MTAP: variants seen among roughly 807,000 people sequenced by gnomAD.
The protein encoded by MTAP is S-methyl-5'-thioadenosine phosphorylase.
Under a neutral mutation model 33.6 loss-of-function variants are expected in MTAP, and 33 were observed. That is an observed-to-expected ratio of 0.98 (90% CI 0.74 to 1.31). The LOEUF is 1.31. Among genes scored for constraint, MTAP ranks in the 40% most tolerant of loss-of-function variants. The pLI, the probability that MTAP is intolerant of heterozygous loss-of-function variation, is 0.00. For missense variants in MTAP, 367 were observed against 360.0 expected (o/e 1.02, Z -0.16); for synonymous variants, 148 against 125.7 (o/e 1.18, Z -1.19).
chr9:21,857,018 A>C (rs1587252707), intron 6 of MTAP, among the ~76,000 whole-genome samples: 1 of 152,184 alleles, frequency 6.6e-6, no homozygotes, highest in African/African-American at 2.4e-5. Flanking sequence ...AGCTAGTATA[A>C]TGCTGGCTTG....
At chr9:21,893,213 G>A (rs531146709) in intron 1 of MTAP, 3 of 152,202 alleles carry the variant, frequency 2.0e-5, no homozygotes, top group Non-Finnish European at 2.9e-5. Context: ...TGACACATGG[G>A]GATCATGGGG....
At chr9:21,883,579 C>G (rs949702453) in intron 1 of MTAP, among the ~76,000 whole-genome samples, 8 of 151,782 alleles carry the variant, frequency 5.3e-5, no homozygotes, top group Non-Finnish European at 1.2e-4. Flanking sequence ...AGACTTAATA[C>G]CTATGATTAA....
At chr9:21,852,937 C>G (rs1825552768) in intron 5 of MTAP, among the ~76,000 whole-genome samples, 1 of 152,154 alleles carries the variant, frequency 6.6e-6, no homozygotes, top group Non-Finnish European at 1.5e-5. Flanking sequence ...CCACATCCGT[C>G]TGTTTAGTAG....
chr9:21,863,466 G>T lies in MTAP; in HGVS notation c.*1452G>T. ...ACTAAAAATACAAAAAATTAGCTGG[G>T]CGTGGTGGTGGGCACCTGTAGTCCC... On this transcript the variant is annotated 3_prime_UTR_variant, in exon 8 of 8. Transcript: ENST00000644715. The T allele has an allele frequency of 1.9e-6, 1 of 527,896 alleles. No individual in the cohort carries two copies. Among genetic ancestry groups the T allele is most frequent in the Non-Finnish European group, 2.4e-6 (1 of 412,032 alleles). The allele number at this position is 527,896 out of a possible 1,614,324, so 32.7% of individuals were successfully genotyped here.
In MTAP at chr9:21,863,762, A is replaced by G; in HGVS notation, c.*1748A>G. On this transcript the variant is annotated 3_prime_UTR_variant, in exon 8 of 8. Transcript: ENST00000644715. ...GATCAAGATACAGAACCTTTTATTTAAAGAGTTTGTAAAGTCAATGTGTTT... is the reference window on the plus strand; with the variant it reads ...GATCAAGATACAGAACCTTTTATTTGAAGAGTTTGTAAAGTCAATGTGTTT... 1.0e-6 allele frequency: 1 copy of G among 985,836 alleles called. No homozygotes were observed. The highest frequency in any genetic ancestry group is 4.7e-5 in the South Asian group (1 of 21,286). 61.1% of individuals were successfully genotyped at this position (985,836 alleles called of 1,614,324 possible). A position where few individuals can be genotyped will look rare whatever the true frequency, so the allele number is the denominator to read the frequency against.
chr9:21,904,232 T>C (rs1197037045), intron 1 of MTAP, among the ~76,000 whole-genome samples: 1 of 152,170 alleles, frequency 6.6e-6, no homozygotes, highest in Non-Finnish European at 1.5e-5. Context: ...TGTGGTCCTC[T>C]CCACGTTCAG....
chr9:21,891,692 A>C (rs1309310646), intron 1 of MTAP, among the ~76,000 whole-genome samples: 1 of 152,220 alleles, frequency 6.6e-6, no homozygotes, highest in African/African-American at 2.4e-5. Context: ...AGGAACTTGT[A>C]AAATATATTT....
At chr9:21,926,277 T>C (rs1372122655) in intron 1 of MTAP, among the ~76,000 whole-genome samples, 1 of 152,160 alleles carries the variant, frequency 6.6e-6, no homozygotes. Context: ...AATTGAAAAA[T>C]GTCTAAAACA....
chr9:21,832,478 C>T (rs1287754093), intron 4 of MTAP, among the ~76,000 whole-genome samples: 3 of 152,232 alleles, frequency 2.0e-5, no homozygotes, highest in African/African-American at 7.2e-5. Context: ...TCTTCTTACT[C>T]ATTTCCCTCA....
intron 1 of MTAP, among the ~76,000 whole-genome samples, chr9:21,899,482 G>T (rs1270246226): frequency 1.3e-5 from 2 of 152,052 alleles, no homozygotes; most frequent in African/African-American, 4.8e-5. Context: ...GCCCAAGATT[G>T]GGTAATTTAT....
At chr9:21,824,051 A>G (rs1824720114) in intron 4 of MTAP, among the ~76,000 whole-genome samples, 1 of 152,136 alleles carries the variant, frequency 6.6e-6, no homozygotes, top group South Asian at 2.1e-4. Flanking sequence ...ATTGGGTTCG[A>G]ATTTCCTTCT....
At chr9:21,843,284 G>C (rs1156413383) in intron 5 of MTAP, among the ~76,000 whole-genome samples, 1 of 152,098 alleles carries the variant, frequency 6.6e-6, no homozygotes, top group Non-Finnish European at 1.5e-5. Context: ...ATAGGCCTAA[G>C]AAATGACATA....
chr9:21,813,957 TG>T (rs556113837), intron 1 of MTAP: 1 of 152,350 alleles, frequency 6.6e-6, no homozygotes, highest in Non-Finnish European at 1.5e-5. Flanking sequence ...ACACTTCTGT[TG>T]ATTTGAAAGC....
rs1310168864 is a variant in MTAP at position 21,922,888 on chromosome 9, G to A, written c.148-8120G>A. Among the ~76,000 whole-genome samples, 10 of 152,168 alleles carry A rather than the reference G, an allele frequency of 6.6e-5. No individual in the cohort carries two copies. Among genetic ancestry groups the A allele is most frequent in the African/African-American group, 2.2e-4 (9 of 41,440 alleles). ...CCTAGACAGGAGGCTCATGAGAGTG[G>A]TAGGGCTAAAGCCTAACACTGTGCA... On this transcript the variant is annotated intron_variant, in intron 1 of 1. Coordinates refer to the MTAP transcript ENST00000577563. This position sits in a 1 kb window ranked among gnomAD's most constrained non-coding sequence, Gnocchi z 4.8.
At chr9:21,876,625 A>G (rs149820270) in intron 1 of MTAP, among the ~76,000 whole-genome samples, 1,674 of 152,276 alleles carry the variant, frequency 0.011, 20 homozygotes, top group Non-Finnish European at 0.017. Flanking sequence ...TTGAATAGGG[A>G]ATCTTTTCCC....
intron 1 of MTAP, among the ~76,000 whole-genome samples, chr9:21,924,480 A>G (rs571272610): frequency 2.0e-5 from 3 of 152,248 alleles, no homozygotes; most frequent in Non-Finnish European, 4.4e-5. Flanking sequence ...CTGTTTTGCC[A>G]CTAGCAGGGA....
At chr9:21,848,196 C>T (rs558915412) in intron 5 of MTAP, among the ~76,000 whole-genome samples, 39 of 152,224 alleles carry the variant, frequency 2.6e-4, no homozygotes, top group African/African-American at 8.7e-4. Flanking sequence ...AGGAGCCACC[C>T]CTAAGACTCC....
chr9:21,883,222 A>G (rs1184926209), intron 1 of MTAP, among the ~76,000 whole-genome samples: 1 of 152,224 alleles, frequency 6.6e-6, no homozygotes, highest in South Asian at 2.1e-4. Context: ...GGAGTAAAAG[A>G]TTTAAATAGT....
At chr9:21,910,033 C>T (rs1049616058) in intron 1 of MTAP, among the ~76,000 whole-genome samples, 2 of 151,996 alleles carry the variant, frequency 1.3e-5, no homozygotes, top group African/African-American at 4.8e-5. Flanking sequence ...CCATCTGGCC[C>T]GGGTCAGAAA....
Sources: gnomAD v4.1 joint callset for allele counts (sites outside exome capture counted in the v4.1 genomes callset) on GRCh38, gnomAD v4.1.1 for gene constraint, Gnocchi (gnomAD v3.1) non-coding constraint, MANE v1.5 for transcripts, NCBI Gene and HGNC (gene_info 2026-07-23, HGNC 2026-07-21) for gene names.